DCAF6: variants seen among roughly 807,000 people sequenced by gnomAD.
DCAF6 encodes the protein DDB1 and CUL4 associated factor 6.
A neutral mutation model predicts 125.1 loss-of-function variants in DCAF6; 54 were observed. That is an observed-to-expected ratio of 0.43 (90% CI 0.35 to 0.54). DCAF6 has a LOEUF of 0.54. DCAF6 is among the 20% of genes least tolerant of loss of function. The pLI is 0.01. For synonymous variants in DCAF6, 371 were observed against 390.4 expected, an observed-to-expected ratio of 0.95 and a Z score of 0.58; for missense variants, 934 against 1,161.7, an observed-to-expected ratio of 0.80 and a Z score of 2.85.
At chr1:167,980,625 C>G (rs1336720596) in intron 4 of DCAF6, among the ~76,000 whole-genome samples, 1 of 152,016 alleles carries the variant, frequency 6.6e-6, no homozygotes, top group Non-Finnish European at 1.5e-5. Context: ...TTGGAGAAAT[C>G]TCCTTTGCTT....
At chr1:167,925,454 T>C in the DCAF6 span, among the ~76,000 whole-genome samples, 7 of 114,706 alleles carry the variant, frequency 6.1e-5, no homozygotes, top group African/African-American at 2.2e-4. Flanking sequence ...TATATATATA[T>C]ATATATATAT....
At chr1:167,937,183 G>GC (rs1671403981) in intron 1 of DCAF6, 175 bp downstream of exon 1, 1 of 621,012 alleles carries the variant, frequency 1.6e-6, no homozygotes, top group South Asian at 2.0e-5. Context: ...CCCCAGTCAA[G>GC]CCCCCTGTGC....
chr1:168,001,425 T>G (rs1400790539), intron 7 of DCAF6, among the ~76,000 whole-genome samples: 1 of 152,198 alleles, frequency 6.6e-6, no homozygotes, highest in Non-Finnish European at 1.5e-5. Flanking sequence ...TTGAACACTT[T>G]ATAATTGATC....
chr1:167,975,293 A>C (rs1677977761), intron 4 of DCAF6, among the ~76,000 whole-genome samples: 1 of 152,200 alleles, frequency 6.6e-6, no homozygotes, highest in Non-Finnish European at 1.5e-5. Context: ...ACAGACGTTT[A>C]CCTTTAAAGA....
At chr1:167,977,529 G>A (rs1470941476) in intron 4 of DCAF6, among the ~76,000 whole-genome samples, 1 of 151,590 alleles carries the variant, frequency 6.6e-6, no homozygotes, top group African/African-American at 2.4e-5. Flanking sequence ...TCTTTGCCGG[G>A]TTTTTTTCTT....
At chr1:167,913,740 TAAAG>T in the DCAF6 span, among the ~76,000 whole-genome samples, 15 of 151,362 alleles carry the variant, frequency 9.9e-5, no homozygotes, top group African/African-American at 2.7e-4. Flanking sequence ...AAGAGGCAAA[TAAAG>T]AAAGTAAGCT....
At chr1:168,033,817 A>G (rs1351861105) in intron 12 of DCAF6, among the ~76,000 whole-genome samples, 2 of 152,248 alleles carry the variant, frequency 1.3e-5, no homozygotes, top group Admixed American at 6.5e-5. Context: ...GTTGTTCTTA[A>G]TAACCATAAT....
intron 10 of DCAF6, among the ~76,000 whole-genome samples, chr1:168,009,233 T>C (rs1284064106): frequency 1.3e-5 from 2 of 151,644 alleles, no homozygotes; most frequent in African/African-American, 2.4e-5. Flanking sequence ...CTCCTGACCT[T>C]GTGATCCGCC....
At chr1:167,882,110 G>C in the DCAF6 span, among the ~76,000 whole-genome samples, 1 of 152,300 alleles carries the variant, frequency 6.6e-6, no homozygotes, top group Admixed American at 6.5e-5. Flanking sequence ...ATACACAAAA[G>C]GAATTGAGAT....
intron 3 of DCAF6, 46 bp downstream of exon 3, chr1:167,966,767 C>A (rs1486277591): frequency 8.6e-7 from 1 of 1,166,784 alleles, no homozygotes; most frequent in South Asian, 1.3e-5. Context: ...GAAAAAAAAT[C>A]AAGAAGGCAG....
rs762143158 is a variant in DCAF6 at position 168,070,261 on chromosome 1, C to A, written c.2791+1798C>A. ...CAAAATACTAGATAGAATAAAGTGC[C>A]CAAGAGTTAACATTTCTGCTGCCCT... On this transcript the variant is annotated intron_variant, in intron 21 of 21. Coordinates refer to ENST00000367840, the MANE Select transcript of DCAF6 (RefSeq NM_001198956.2). 5.3e-5 allele frequency among the ~76,000 whole-genome samples: 8 copies of A among 151,888 alleles called. No individual in the cohort carries two copies. The Middle Eastern group carries it at 0.014, about 258-fold the overall frequency.
At chr1:168,025,465 G>GC (rs1686216002) in intron 12 of DCAF6, among the ~76,000 whole-genome samples, 1 of 152,184 alleles carries the variant, frequency 6.6e-6, no homozygotes, top group Non-Finnish European at 1.5e-5. Flanking sequence ...GGCAGAAGCT[G>GC]CACCGTAGTA....
At chr1:168,074,156 C>G (rs1330878827) in intron 21 of DCAF6, among the ~76,000 whole-genome samples, 1 of 151,614 alleles carries the variant, frequency 6.6e-6, no homozygotes, top group African/African-American at 2.4e-5. Flanking sequence ...ATCTAATTCA[C>G]TTGGACAATT....
chr1:167,976,755 T>C (rs1188692228), intron 4 of DCAF6, among the ~76,000 whole-genome samples: 1 of 152,172 alleles, frequency 6.6e-6, no homozygotes, highest in East Asian at 1.9e-4. Context: ...TTAGATGTTA[T>C]TGGTTTACTG....
chr1:168,023,256 T>G, intron 12 of DCAF6: 1 of 576,806 alleles, frequency 1.7e-6, no homozygotes, highest in East Asian at 2.8e-5. Flanking sequence ...CATTTCTCAC[T>G]TTGGCCCTTG....
chr1:167,995,011 T>C (rs1681441715), intron 7 of DCAF6, among the ~76,000 whole-genome samples: 1 of 152,178 alleles, frequency 6.6e-6, no homozygotes, highest in Admixed American at 6.5e-5. Context: ...ATCCTTGCAG[T>C]GTATTTATTT....
chr1:168,056,247 C>A (rs1572128103), intron 17 of DCAF6: 1 of 1,612,028 alleles, frequency 6.2e-7, no homozygotes, highest in Non-Finnish European at 8.5e-7. Flanking sequence ...TGTTGTTACC[C>A]ATTCGTGTTT....
intron 4 of DCAF6, among the ~76,000 whole-genome samples, chr1:167,985,692 T>C (rs202261): frequency 7.2e-5 from 11 of 152,228 alleles, no homozygotes; most frequent in African/African-American, 2.4e-4. Context: ...GCTACTATTA[T>C]TCTGCTTACC....
In DCAF6 at chr1:168,002,609, T is replaced by C. The variant is rs761131035; in HGVS notation, c.997+34T>C. Reference sequence around the variant, plus strand: ...ACTTTGGTCAGCTTTTCTTTGTATATGGTATTTTAAAATTAATATTTTAAC... The same window carrying C: ...ACTTTGGTCAGCTTTTCTTTGTATACGGTATTTTAAAATTAATATTTTAAC... On this transcript the variant is annotated intron_variant, in intron 8 of 21. Transcript: ENST00000367840. 1.3e-5 allele frequency: 20 copies of C among 1,516,860 alleles called. No individual in the cohort carries two copies. The Admixed American group carries it at 3.7e-4, about 28-fold the overall frequency. 94.0% of individuals were successfully genotyped at this position (1,516,860 alleles called of 1,614,324 possible). A position where few individuals can be genotyped will look rare whatever the true frequency, so the allele number is the denominator to read the frequency against.
Sources: allele counts gnomAD v4.1 joint callset (sites outside exome capture counted in the v4.1 genomes callset), GRCh38; gene constraint gnomAD v4.1.1; transcripts MANE v1.5; gene names NCBI Gene and HGNC (gene_info 2026-07-23, HGNC 2026-07-21).